The following CARF variants were observed in gnomAD, a reference collection of about 807,000 sequenced individuals.
CARF encodes calcium-responsive transcription factor.
CARF carries 57 observed loss-of-function variants against 82.0 expected under a neutral mutation model. That is an observed-to-expected ratio of 0.70 (90% CI 0.56 to 0.87). The LOEUF (loss-of-function observed/expected upper bound fraction) is 0.87. Among genes scored for constraint, CARF ranks in the 40% least tolerant of loss-of-function variants. The pLI is 0.00. For synonymous variants in CARF, 268 were observed against 290.1 expected (o/e 0.92, Z 0.77); for missense variants, 771 against 855.8 (o/e 0.90, Z 1.24).
intron 16 of CARF, 148 bp downstream of exon 16, chr2:202,982,589 T>G: frequency 2.7e-6 from 2 of 738,830 alleles, no homozygotes; most frequent in Non-Finnish European, 4.2e-6. Context: ...AAGGAGGAGA[T>G]TTCATTACCC....
intron 3 of CARF, among the ~76,000 whole-genome samples, chr2:202,927,446 A>G (rs1352343809): frequency 6.6e-6 from 1 of 152,140 alleles, no homozygotes; most frequent in Non-Finnish European, 1.5e-5. Flanking sequence ...GCTAATTAAC[A>G]TATGTATTAC....
intron 5 of CARF, among the ~76,000 whole-genome samples, chr2:202,944,534 A>G (rs2058397437): frequency 6.6e-6 from 1 of 152,168 alleles, no homozygotes; most frequent in East Asian, 1.9e-4. Context: ...AGCCAAATTG[A>G]GTTTTCTAAA....
intron 3 of CARF, among the ~76,000 whole-genome samples, chr2:202,927,523 G>A (rs1477517925): frequency 6.6e-6 from 1 of 152,030 alleles, no homozygotes; most frequent in Admixed American, 6.6e-5. Flanking sequence ...AGTATATAAT[G>A]TGGGGTTTTT....
intron 5 of CARF, 27 bp downstream of exon 5, chr2:202,942,994 T>C: frequency 6.4e-7 from 1 of 1,567,010 alleles, no homozygotes; most frequent in Non-Finnish European, 8.8e-7. Context: ...AGTAACCAGT[T>C]TTATGCCGTT....
At chr2:202,967,526 CT>C (rs2059604609) in intron 10 of CARF, among the ~76,000 whole-genome samples, 1 of 152,102 alleles carries the variant, frequency 6.6e-6, no homozygotes, top group African/African-American at 2.4e-5. Context: ...ACATACTTTC[CT>C]TTTTTTCATT....
intron 5 of CARF, among the ~76,000 whole-genome samples, chr2:202,943,967 T>G (rs2058369189): frequency 6.6e-6 from 1 of 152,134 alleles, no homozygotes; most frequent in Non-Finnish European, 1.5e-5. Context: ...TTTTGATTTA[T>G]CAACATCTCA....
In CARF at chr2:202,981,633, A is replaced by G; in HGVS notation, c.1637A>G (p.His546Arg). ...TRGSLSPEPTHLLSSLSSFQP... is the reference protein window; with the variant it reads ...TRGSLSPEPTRLLSSLSSFQP... ...GGTTCTTTGTCTCCTGAGCCAACCCACTTGCTCTCCTCACTCTCCTCATTT... is the reference window on the plus strand; with the variant it reads ...GGTTCTTTGTCTCCTGAGCCAACCCGCTTGCTCTCCTCACTCTCCTCATTT... The change falls in exon 15 of 17, where the codon CAC becomes CGC. Residue 546 changes from histidine to arginine, a missense_variant. By Grantham distance (29) the His-to-Arg change is conservative. Coordinates refer to ENST00000438828, the MANE Select transcript of CARF (RefSeq NM_024744.17). The G allele has an allele frequency of 6.2e-7, 1 of 1,612,194 alleles. No homozygotes were observed. The highest frequency in any genetic ancestry group is 8.5e-7 in the Non-Finnish European group (1 of 1,178,760).
In CARF at chr2:202,983,700, C is replaced by T. The variant is rs1427732557; in HGVS notation, c.*76C>T. 9 of 900,212 alleles carry T rather than the reference C, an allele frequency of 1.0e-5. No individual in the cohort carries two copies. Among genetic ancestry groups the T allele is most frequent in the African/African-American group, 5.1e-5 (3 of 58,630 alleles). The allele number at this position is 900,212 out of a possible 1,614,324, so 55.8% of individuals were successfully genotyped here. A position where few individuals can be genotyped will look rare whatever the true frequency, so the allele number is the denominator to read the frequency against. Reference sequence around the variant, plus strand: ...GAAAGGAAGGTGAATATAGTCAAAGCGTGGCATTGAGATAATTGGACTGAA... The same window carrying T: ...GAAAGGAAGGTGAATATAGTCAAAGTGTGGCATTGAGATAATTGGACTGAA... On this transcript the variant is annotated 3_prime_UTR_variant, in exon 17 of 17. Transcript: ENST00000438828.
intron 5 of CARF, among the ~76,000 whole-genome samples, chr2:202,951,977 C>T (rs977853158): frequency 2.0e-5 from 3 of 151,940 alleles, no homozygotes; most frequent in African/African-American, 4.8e-5. Context: ...GGATTACAGG[C>T]GCGTGCCACC....
At chr2:202,963,469 G>A (rs72926799) in intron 9 of CARF, among the ~76,000 whole-genome samples, 13,466 of 152,220 alleles carry the variant, frequency 0.088, 742 homozygotes, top group Non-Finnish European at 0.12. Flanking sequence ...CTATAGACCA[G>A]CAGTCCCCAA....
chr2:202,970,579 TG>T (rs1303895027), intron 11 of CARF, among the ~76,000 whole-genome samples: 1 of 152,174 alleles, frequency 6.6e-6, no homozygotes, highest in African/African-American at 2.4e-5. Context: ...TCAGTCTGGG[TG>T]AATAATTTGT....
At chr2:202,968,142 G>A (rs2059629324) in intron 10 of CARF, among the ~76,000 whole-genome samples, 1 of 152,074 alleles carries the variant, frequency 6.6e-6, no homozygotes, top group African/African-American at 2.4e-5. Context: ...GGTGGCTAAC[G>A]CCTGTAATCC....
intron 7 of CARF, among the ~76,000 whole-genome samples, chr2:202,955,046 A>AT (rs1337410982): frequency 7.2e-5 from 11 of 151,974 alleles, no homozygotes; most frequent in African/African-American, 2.4e-4. Context: ...TAGTTCCTAA[A>AT]TTTTTAAATT....
At chr2:202,980,544 A>G (rs1395919623) in intron 14 of CARF, among the ~76,000 whole-genome samples, 4 of 145,132 alleles carry the variant, frequency 2.8e-5, no homozygotes, top group Non-Finnish European at 6.0e-5. Flanking sequence ...ACTTCTAGAG[A>G]AGTTTAGTAT....
In CARF at chr2:202,982,393, G is replaced by C; in HGVS notation, c.2011G>C (p.Asp671His). ...AACTGTTCATCGGATTCTGTTGGGA[G>C]ATGTGCAGACTATTCCAATACAGAT... is the stretch of plus-strand genomic sequence containing the variant. Reference protein sequence around the residue: ...EGTVHRILLGDVQTIPIQIID... With the variant: ...EGTVHRILLGHVQTIPIQIID... The change falls in exon 16 of 17, where the codon GAT becomes CAT. Residue 671 changes from aspartate to histidine, a missense_variant. Coordinates refer to ENST00000438828, the MANE Select transcript of CARF (RefSeq NM_024744.17). The C allele has an allele frequency of 6.2e-7, 1 of 1,614,078 alleles. No homozygotes were observed. Among genetic ancestry groups the C allele is most frequent in the East Asian group, 2.2e-5 (1 of 44,872 alleles).
At chr2:202,942,627 C>A in intron 4 of CARF, 113 bp from the exon 5 acceptor site, 1 of 1,036,128 alleles carries the variant, frequency 9.7e-7, no homozygotes, top group Non-Finnish European at 1.4e-6. Context: ...GAATTGACAA[C>A]TCTTACAAAA....
intron 5 of CARF, among the ~76,000 whole-genome samples, chr2:202,945,080 A>G (rs2058431683): frequency 6.6e-6 from 1 of 152,218 alleles, no homozygotes; most frequent in Non-Finnish European, 1.5e-5. Context: ...ATTTTCTTCA[A>G]AGAACTGAAG....
chr2:202,928,354 T>C (rs1692249065), intron 3 of CARF, among the ~76,000 whole-genome samples: 1 of 152,226 alleles, frequency 6.6e-6, no homozygotes, highest in Admixed American at 6.5e-5. Flanking sequence ...ATACCACATT[T>C]TCTTTACCAG....
rs527845449 is a variant in CARF, at chr2:202,955,031, C to A, written c.558-643C>A. Among the ~76,000 whole-genome samples the A allele has an allele frequency of 4.0e-4, 61 of 151,366 alleles. 1 individual carries two copies. In the South Asian group the frequency reaches 9.6e-3, roughly 24 times the overall value. On this transcript the variant is annotated intron_variant, in intron 7 of 16. Transcript: ENST00000438828. ...GCTGTCTCGAAAAAAAAAAAAAATT[C>A]ATTATAGTTCCTAAATTTTTAAATT...
Sources: allele counts gnomAD v4.1 joint callset (sites outside exome capture counted in the v4.1 genomes callset), GRCh38; gene constraint gnomAD v4.1.1; transcripts MANE v1.5; gene names NCBI Gene and HGNC (gene_info 2026-07-23, HGNC 2026-07-21).